KIAA1217: variants seen among roughly 807,000 people sequenced by gnomAD.
KIAA1217 encodes sickle tail protein homolog.
KIAA1217 carries 88 observed loss-of-function variants against 163.9 expected under a neutral mutation model. The observed-to-expected ratio is 0.54, with a 90% CI of 0.45 to 0.64. The LOEUF (loss-of-function observed/expected upper bound fraction) is 0.64, where lower values mean the gene tolerates loss of function less well. KIAA1217 is among the 30% of genes least tolerant of loss of function. The probability of loss-of-function intolerance (pLI) is 0.00; values close to 1 mark genes in which losing one functional copy is unlikely to be tolerated. For missense variants in KIAA1217, 2,372 were observed against 2,475.0 expected (o/e 0.96, Z 0.88); for synonymous variants, 903 against 923.1 (o/e 0.98, Z 0.39).
intron 5 of KIAA1217, among the ~76,000 whole-genome samples, chr10:24,449,981 C>G (rs773738659): frequency 6.6e-5 from 10 of 152,188 alleles, no homozygotes; most frequent in Non-Finnish European, 1.0e-4. Context: ...TTAAATTAAA[C>G]TGGGCTGGTC....
chr10:23,852,440 A>C (rs559756859), intron 1 of KIAA1217, among the ~76,000 whole-genome samples: 7 of 152,264 alleles, frequency 4.6e-5, no homozygotes, highest in Non-Finnish European at 7.4e-5. Context: ...GTTTGAAGTC[A>C]GGTAGGGTGA....
Position 23,987,376 on chromosome 10 carries a change from C to CAAAA in KIAA1217, c.-320-19836_-320-19833dup, listed in dbSNP as rs34281134. 5.1e-4 allele frequency among the ~76,000 whole-genome samples: 48 copies of CAAAA among 93,574 alleles called. 2 individuals are homozygous for CAAAA. Among genetic ancestry groups the CAAAA allele is most frequent in the Middle Eastern group, 6.7e-3 (1 of 150 alleles). The allele number at this position is 93,574 out of a possible 152,430, so 61.4% of individuals were successfully genotyped here. ...TGGGCGACACAGCGAGACTCCATCT[C>CAAAA]AAAAAAAAAAAAAAAAGCCACCCTT... is the stretch of plus-strand genomic sequence containing the variant. On this transcript the variant is annotated intron_variant, in intron 1 of 18. Coordinates refer to the KIAA1217 transcript ENST00000376462.
intron 2 of KIAA1217, among the ~76,000 whole-genome samples, chr10:24,138,587 T>A (rs2063926130): frequency 6.6e-6 from 1 of 150,616 alleles, no homozygotes; most frequent in Non-Finnish European, 1.5e-5. Context: ...ATGGATATTA[T>A]ATAATCGACT....
chr10:24,092,802 C>T (rs1193748680), intron 2 of KIAA1217, among the ~76,000 whole-genome samples: 3 of 151,568 alleles, frequency 2.0e-5, no homozygotes, highest in Non-Finnish European at 4.4e-5. Flanking sequence ...GGTGATGGAA[C>T]TGTTTTGTAT....
At chr10:24,260,363 C>CA (rs1271104908) in intron 2 of KIAA1217, among the ~76,000 whole-genome samples, 1 of 152,042 alleles carries the variant, frequency 6.6e-6, no homozygotes, top group African/African-American at 2.4e-5. Flanking sequence ...AAACAAAACA[C>CA]AAAGTATGTG....
At chr10:24,180,518 C>T (rs1183371894) in intron 2 of KIAA1217, among the ~76,000 whole-genome samples, 7 of 152,042 alleles carry the variant, frequency 4.6e-5, no homozygotes, top group Admixed American at 1.3e-4. Flanking sequence ...TCTTGCTCTA[C>T]GATTTTCCTC....
chr10:24,090,332 CTTTTTTTTTTT>C (rs35966270), intron 2 of KIAA1217, among the ~76,000 whole-genome samples: 7 of 58,944 alleles, frequency 1.2e-4, no homozygotes, highest in African/African-American at 2.3e-4. Context: ...ACATCCTGCT[CTTTTTTTTTTT>C]TTTTTTTTTT....
intron 2 of KIAA1217, among the ~76,000 whole-genome samples, chr10:24,148,142 C>CT (rs201364239): frequency 6.6e-6 from 1 of 151,638 alleles, no homozygotes; most frequent in Non-Finnish European, 1.5e-5. Flanking sequence ...CTAAAGGAGA[C>CT]TTTTTTTTCT....
chr10:24,221,679 G>A (rs1287684587), intron 2 of KIAA1217, among the ~76,000 whole-genome samples: 1 of 152,150 alleles, frequency 6.6e-6, no homozygotes, highest in Non-Finnish European at 1.5e-5. Flanking sequence ...AAACCCAGAA[G>A]AGGAGAAAAG....
intron 1 of KIAA1217, among the ~76,000 whole-genome samples, chr10:23,907,292 T>TTGTGTG (rs146002283): frequency 0.021 from 2,997 of 145,818 alleles, 104 homozygotes; most frequent in African/African-American, 0.07. Context: ...CCAATATGAT[T>TTGTGTG]TGTGTGTGTG....
intron 2 of KIAA1217, among the ~76,000 whole-genome samples, chr10:24,141,231 C>A (rs1448509211): frequency 1.6e-5 from 2 of 128,208 alleles, no homozygotes; most frequent in African/African-American, 2.8e-5. Flanking sequence ...ATAAACCCCC[C>A]CCCCCCATTT....
At chr10:23,887,885 A>C (rs997529379) in intron 1 of KIAA1217, among the ~76,000 whole-genome samples, 1 of 151,934 alleles carries the variant, frequency 6.6e-6, no homozygotes, top group African/African-American at 2.4e-5. Context: ...TGAAAAACCC[A>C]AAATAAATAT....
At chr10:24,172,599 T>C (rs2065682760) in intron 2 of KIAA1217, among the ~76,000 whole-genome samples, 1 of 152,224 alleles carries the variant, frequency 6.6e-6, no homozygotes, top group Admixed American at 6.5e-5. Flanking sequence ...TTAAATGAGT[T>C]AACATCTGTC....
At chr10:24,186,703 C>A (rs1274075369) in intron 2 of KIAA1217, among the ~76,000 whole-genome samples, 1 of 152,052 alleles carries the variant, frequency 6.6e-6, no homozygotes, top group Non-Finnish European at 1.5e-5. Context: ...CCAGCCTGGC[C>A]AACATGGTGA....
chr10:24,124,204 G>A (rs1589587167), intron 2 of KIAA1217, among the ~76,000 whole-genome samples: 1 of 151,990 alleles, frequency 6.6e-6, no homozygotes, highest in Non-Finnish European at 1.5e-5. Context: ...TCTTTATCTA[G>A]GATTTGTATT....
At chr10:24,359,960 C>CT (rs200265155) in intron 2 of KIAA1217, among the ~76,000 whole-genome samples, 8 of 139,502 alleles carry the variant, frequency 5.7e-5, no homozygotes, top group Non-Finnish European at 1.1e-4. Flanking sequence ...TTTAGTAGCT[C>CT]TTTTTTTTTA....
At chr10:24,434,918 C>T (rs2059904287) in intron 4 of KIAA1217, among the ~76,000 whole-genome samples, 1 of 152,114 alleles carries the variant, frequency 6.6e-6, no homozygotes, top group Admixed American at 6.5e-5. Flanking sequence ...GCTGTTCACA[C>T]TTCTTGGTCA....
rs563650207 is a variant in KIAA1217 at position 24,164,923 on chromosome 10, G to A, written c.-170-54703G>A. Among the ~76,000 whole-genome samples the A allele has an allele frequency of 7.2e-5, 11 of 152,296 alleles. 1 individual carries two copies. Among genetic ancestry groups the A allele is most frequent in the South Asian group, 6.2e-4 (3 of 4,814 alleles). On this transcript the variant is annotated intron_variant, in intron 2 of 18. Coordinates refer to the KIAA1217 transcript ENST00000376462. ...GATACTCTCCCCTGGAGACAGGAAG[G>A]GTGCCTTCCCCTTCTTGAAGCCAAG...
chr10:23,958,135 T>C (rs760023391), intron 1 of KIAA1217, among the ~76,000 whole-genome samples: 2 of 152,162 alleles, frequency 1.3e-5, no homozygotes, highest in East Asian at 3.9e-4. Context: ...AAAGTGGACT[T>C]TTAAGGACAA....
Sources: gnomAD v4.1 joint callset for allele counts (sites outside exome capture counted in the v4.1 genomes callset) on GRCh38, gnomAD v4.1.1 for gene constraint, MANE v1.5 for transcripts, NCBI Gene and HGNC (gene_info 2026-07-23, HGNC 2026-07-21) for gene names.